LINGO1: variants seen among roughly 807,000 people sequenced by gnomAD.
LINGO1 encodes the protein leucine-rich repeat and immunoglobulin-like domain-containing nogo receptor-interacting protein 1.
In LINGO1, 11 loss-of-function variants were observed where a neutral mutation model predicts 37.3. That is an observed-to-expected ratio of 0.29 (90% CI 0.19 to 0.49). The LOEUF (loss-of-function observed/expected upper bound fraction) is 0.49, where lower values mean the gene tolerates loss of function less well. LINGO1 is among the 20% of genes least tolerant of loss of function. The pLI is 0.99. For missense variants in LINGO1, 585 were observed against 878.2 expected (o/e 0.67, Z 4.22); for synonymous variants, 387 against 403.0 (o/e 0.96, Z 0.48).
At chr15:77,723,775 G>T (rs2076074276) in intron 2 of LINGO1, among the ~76,000 whole-genome samples, 1 of 152,164 alleles carries the variant, frequency 6.6e-6, no homozygotes, top group Non-Finnish European at 1.5e-5. Context: ...ACATGGGGAT[G>T]GAACGACCCC....
chr15:77,786,241 G>C (rs921958207), intron 1 of LINGO1, among the ~76,000 whole-genome samples: 1 of 152,104 alleles, frequency 6.6e-6, no homozygotes, highest in African/African-American at 2.4e-5. Context: ...CCTCAGGGAG[G>C]TTAGTATGCC....
At chr15:77,749,001 G>A (rs575228283) in intron 1 of LINGO1, among the ~76,000 whole-genome samples, 44 of 148,858 alleles carry the variant, frequency 3.0e-4, no homozygotes, top group Non-Finnish European at 5.9e-4. Context: ...TCTGCCTCCT[G>A]GGTTCAAGCT....
At chr15:77,632,988 G>A (rs1455585320), upstream of LINGO1, among the ~76,000 whole-genome samples, 4 of 147,252 alleles carry the variant, frequency 2.7e-5, no homozygotes, top group East Asian at 8.8e-4. The surrounding 1 kb of genome is among the most constrained non-coding windows in gnomAD (Gnocchi z 6.0). Flanking sequence ...CGGGGGAGGA[G>A]AAGGCGCGGC....
chr15:77,770,587 CAAAAAAAAAAAAAAA>C (rs71145861), intron 1 of LINGO1, among the ~76,000 whole-genome samples: 1 of 79,326 alleles, frequency 1.3e-5, no homozygotes, highest in Non-Finnish European at 2.3e-5. Flanking sequence ...GACTCTGTCT[CAAAAAAAAAAAAAAA>C]AAAAAAAAAG....
intron 2 of LINGO1, among the ~76,000 whole-genome samples, chr15:77,723,939 GA>G (rs1201003012): frequency 3.9e-5 from 6 of 152,134 alleles, no homozygotes; most frequent in Non-Finnish European, 8.8e-5. Flanking sequence ...CAGGCGTTGT[GA>G]TATTTTTCCC....
intron 3 of LINGO1, among the ~76,000 whole-genome samples, chr15:77,672,543 C>A (rs565982077): frequency 9.2e-5 from 14 of 152,260 alleles, no homozygotes; most frequent in Middle Eastern, 3.4e-3. Flanking sequence ...GACCTTCCAG[C>A]CTCCAGAATC....
intron 2 of LINGO1, among the ~76,000 whole-genome samples, chr15:77,677,675 G>A (rs1485597280): frequency 2.6e-5 from 4 of 151,968 alleles, no homozygotes; most frequent in Non-Finnish European, 5.9e-5. Context: ...CAGCTCTCCC[G>A]CCTCAGCCTG....
At chr15:77,795,803 C>G (rs779510028) in intron 2 of LINGO1, 2 of 152,270 alleles carry the variant, frequency 1.3e-5, no homozygotes, top group African/African-American at 4.8e-5. Context: ...CAAGTGGCAC[C>G]GCCACAGCAA....
At chr15:77,713,686 G>A (rs1297878686) in intron 2 of LINGO1, among the ~76,000 whole-genome samples, 1 of 152,090 alleles carries the variant, frequency 6.6e-6, no homozygotes, top group Non-Finnish European at 1.5e-5. Flanking sequence ...TTTGTGGACT[G>A]TGCCAACGTC....
intron 1 of LINGO1, among the ~76,000 whole-genome samples, chr15:77,762,192 C>G (rs551388724): frequency 1.3e-5 from 2 of 152,122 alleles, no homozygotes; most frequent in African/African-American, 4.8e-5. Flanking sequence ...CACAGTGGAC[C>G]GAGGCGTGGG....
At chr15:77,699,771 T>TGCACACAGTAAGCACATACTAAC (rs2075756380), upstream of LINGO1, among the ~76,000 whole-genome samples, 2 of 89,022 alleles carry the variant, frequency 2.2e-5, no homozygotes, top group African/African-American at 8.1e-5. Flanking sequence ...ATACTAACCA[T>TGCACACAGTAAGCACATACTAAC]CATTCCCCCC....
chr15:77,776,530 G>GAGTAAGGGAGTA (rs1247358368), intron 1 of LINGO1, among the ~76,000 whole-genome samples: 4 of 34,520 alleles, frequency 1.2e-4, no homozygotes, highest in Non-Finnish European at 1.9e-4. Flanking sequence ...GGGAGGAAGG[G>GAGTAAGGGAGTA]AGGGAGGGAG....
rs554247548 is a variant in LINGO1, at chr15:77,739,496, C to T, written c.-256-4443G>A. On this transcript the variant is annotated intron_variant, in intron 1 of 3. Coordinates refer to the LINGO1 transcript ENST00000561686. Reference sequence around the variant, plus strand: ...CCCCTCTGCAGCTCCCCATCTCCTTCCTTTCCCCTCCTTTTTCCCTTGGGA... The same window carrying T: ...CCCCTCTGCAGCTCCCCATCTCCTTTCTTTCCCCTCCTTTTTCCCTTGGGA... Among the ~76,000 whole-genome samples, 5 of 152,344 alleles carry T rather than the reference C, an allele frequency of 3.3e-5. No individual in the cohort carries two copies. The South Asian group carries it at 1.0e-3, about 32-fold the overall frequency.
At chr15:77,628,888 A>T (rs1654923618) in intron 1 of LINGO1, among the ~76,000 whole-genome samples, 1 of 152,118 alleles carries the variant, frequency 6.6e-6, no homozygotes, top group South Asian at 2.1e-4. Context: ...ATAAAATCAA[A>T]CCTCTGCACC....
At chr15:77,776,721 T>A (rs1728209731) in intron 1 of LINGO1, among the ~76,000 whole-genome samples, 1 of 152,198 alleles carries the variant, frequency 6.6e-6, no homozygotes, top group Admixed American at 6.5e-5. Flanking sequence ...ATCTGGGATT[T>A]GAAACCAGAT....
intron 3 of LINGO1, among the ~76,000 whole-genome samples, chr15:77,654,207 G>A (rs533714007): frequency 1.6e-4 from 24 of 152,326 alleles, no homozygotes; most frequent in African/African-American, 2.6e-4. Flanking sequence ...TGGATATCCC[G>A]TGCTTGGAAT....
intron 3 of LINGO1, among the ~76,000 whole-genome samples, chr15:77,664,636 TCC>T (rs912088389): frequency 3.9e-5 from 6 of 152,156 alleles, no homozygotes; most frequent in African/African-American, 7.2e-5. Flanking sequence ...GGAGGGCTCC[TCC>T]CAGCCTGAGC....
intron 3 of LINGO1, among the ~76,000 whole-genome samples, chr15:77,673,715 G>A (rs2075286330): frequency 6.6e-6 from 1 of 152,016 alleles, no homozygotes; most frequent in Non-Finnish European, 1.5e-5. Flanking sequence ...CTATCTTTAT[G>A]CTGATAGCCC....
chr15:77,812,880 A>AACCCATAACTC (rs1306997729), intron 1 of LINGO1, among the ~76,000 whole-genome samples: 1 of 152,238 alleles, frequency 6.6e-6, no homozygotes, highest in Non-Finnish European at 1.5e-5. Context: ...GGAGCAAAGC[A>AACCCATAACTC]ACCCATAACT....
Sources: gnomAD v4.1 joint callset for allele counts (sites outside exome capture counted in the v4.1 genomes callset) on GRCh38, gnomAD v4.1.1 for gene constraint, Gnocchi (gnomAD v3.1) non-coding constraint, MANE v1.5 for transcripts, NCBI Gene and HGNC (gene_info 2026-07-23, HGNC 2026-07-21) for gene names.